The following MOV10 variants were observed in gnomAD, a reference collection of about 807,000 sequenced individuals.
The protein encoded by MOV10 is Mov10 RNA helicase.
In MOV10, 39 loss-of-function variants were observed where a neutral mutation model predicts 108.4. That is an observed-to-expected ratio of 0.36 (90% CI 0.28 to 0.47). The LOEUF (loss-of-function observed/expected upper bound fraction) is 0.47. Ranked by LOEUF, MOV10 falls within the 20% of genes least tolerant of loss-of-function variation. The pLI is 1.00. For missense variants in MOV10, 952 were observed against 1,297.6 expected, an observed-to-expected ratio of 0.73 and a Z score of 4.09; for synonymous variants, 490 against 523.1, an observed-to-expected ratio of 0.94 and a Z score of 0.86.
chr1:112,684,756 T>A (rs927067207), intron 2 of MOV10, among the ~76,000 whole-genome samples: 1 of 152,204 alleles, frequency 6.6e-6, no homozygotes, highest in Non-Finnish European at 1.5e-5. Flanking sequence ...TAAAATAATA[T>A]CTCATTTATA....
chr1:112,695,949 C>G (rs927857668), intron 11 of MOV10, among the ~76,000 whole-genome samples, 199 bp from the exon 12 acceptor site: 8 of 151,994 alleles, frequency 5.3e-5, no homozygotes, highest in African/African-American at 1.9e-4. Context: ...GGCTGAGGCA[C>G]GAGAATTGCT....
chr1:112,675,178 C>A lies in MOV10; in HGVS notation c.137+129C>A. Reference sequence around the variant, plus strand: ...CTCCCCCAGCGGCTCAGGCCAGTCCCGGGGCGGCGCAGACCTCCCCTCCCG... The same window carrying A: ...CTCCCCCAGCGGCTCAGGCCAGTCCAGGGGCGGCGCAGACCTCCCCTCCCG... On this transcript the variant is annotated intron_variant, in intron 2 of 20. Transcript: ENST00000369645. This position sits in a 1 kb window ranked among gnomAD's most constrained non-coding sequence, Gnocchi z 4.7. The A allele has an allele frequency of 9.2e-7, 1 of 1,089,132 alleles. No homozygotes were observed. The highest frequency in any genetic ancestry group is 1.2e-6 in the Non-Finnish European group (1 of 800,558). The allele number at this position is 1,089,132 out of a possible 1,614,324, so 67.5% of individuals were successfully genotyped here. A position where few individuals can be genotyped will look rare whatever the true frequency, so the allele number is the denominator to read the frequency against.
chr1:112,689,934 G>C lies in MOV10; in HGVS notation c.672G>C (p.Ser224=), dbSNP rs138014327. The change falls in exon 5 of 21, where the codon TCG becomes TCC. Residue 224 remains serine, a synonymous_variant. Transcript: ENST00000369645. Reference sequence around the variant, plus strand: ...GGGAGCTGCTGGGACCTGGGGAGTCGGGTTCAGAAGGAGCCGGCACATTCT... The same window carrying C: ...GGGAGCTGCTGGGACCTGGGGAGTCCGGTTCAGAAGGAGCCGGCACATTCT... The part of the protein sequence containing the change: ...VLWELLGPGE[S]GSEGAGTFYI... 1.9e-6 allele frequency: 3 copies of C among 1,614,154 alleles called. No homozygotes were observed. The highest frequency in any genetic ancestry group is 2.2e-5 in the East Asian group (1 of 44,886).
chr1:112,695,646 G>C, intron 11 of MOV10, 72 bp downstream of exon 11: 1 of 1,497,092 alleles, frequency 6.7e-7, no homozygotes, highest in South Asian at 1.3e-5. Context: ...ACTGAGGCGA[G>C]GAAGCTAGGA....
intron 14 of MOV10, among the ~76,000 whole-genome samples, chr1:112,697,246 G>A (rs1473695132): frequency 6.6e-6 from 1 of 152,044 alleles, no homozygotes; most frequent in Non-Finnish European, 1.5e-5. Context: ...TCCCACCCCC[G>A]ATCACTTGAG....
In MOV10 at chr1:112,674,739, G is replaced by C. The variant is rs887469315; in HGVS notation, c.-66+10G>C. ...CGAAGGGAAAGCTCAGGTAAGAAAA[G>C]AACGGAGGAGGGAAGCCTGGTGGGG... On this transcript the variant is annotated intron_variant, in intron 1 of 20. Coordinates refer to ENST00000369645, the MANE Select transcript of MOV10 (RefSeq NM_001321324.2). 4.0e-5 allele frequency: 23 copies of C among 574,394 alleles called. 1 individual carries two copies. Among genetic ancestry groups the C allele is most frequent in the Middle Eastern group, 9.2e-4 (2 of 2,180 alleles). 35.6% of individuals were successfully genotyped at this position (574,394 alleles called of 1,614,324 possible).
intron 19 of MOV10, 37 bp downstream of exon 19, chr1:112,700,019 A>C: frequency 6.2e-7 from 1 of 1,611,998 alleles, no homozygotes; most frequent in Non-Finnish European, 8.5e-7. Flanking sequence ...CTTAGTGGCC[A>C]CAGCCCCTGC....
In MOV10 at chr1:112,694,938, C is replaced by T; in HGVS notation, c.1620+42C>T. 1 of 1,581,246 alleles carries T rather than the reference C, an allele frequency of 6.3e-7. No homozygotes were observed. ...AACCTGGGGCCTGCACTCTGATTCCCCCAGCACCAAGCAGTTGTCCCCAGA... is the reference window on the plus strand; with the variant it reads ...AACCTGGGGCCTGCACTCTGATTCCTCCAGCACCAAGCAGTTGTCCCCAGA... On this transcript the variant is annotated intron_variant, in intron 10 of 20. Coordinates refer to ENST00000369645, the MANE Select transcript of MOV10 (RefSeq NM_001321324.2). The surrounding 1 kb of genome is among the most constrained non-coding windows in gnomAD (Gnocchi z 4.1).
chr1:112,693,785 G>A (rs560005817), intron 7 of MOV10: 2 of 408,798 alleles, frequency 4.9e-6, no homozygotes, highest in Non-Finnish European at 9.1e-6. Context: ...TGGAGGCTCC[G>A]GGTTCCTGGG....
At chr1:112,680,634 C>G (rs1445785979) in intron 2 of MOV10, among the ~76,000 whole-genome samples, 1 of 113,780 alleles carries the variant, frequency 8.8e-6, no homozygotes, top group East Asian at 3.1e-4. Flanking sequence ...CCAGCCTGGG[C>G]GACAGAGTGA....
Position 112,698,803 on chromosome 1 carries a change from C to T in MOV10, c.2583+14C>T, listed in dbSNP as rs1557773021. On this transcript the variant is annotated intron_variant, in intron 17 of 20. Transcript: ENST00000369645. The stretch of plus-strand genomic sequence containing the variant: ...AAGGACTTGAAGGTGACATGCTGTT[C>T]CACAGTCACTCCCTGCCTTCCGTGT... 1 of 1,609,614 alleles carries T rather than the reference C, an allele frequency of 6.2e-7. No individual in the cohort carries two copies. Among genetic ancestry groups the T allele is most frequent in the Non-Finnish European group, 8.5e-7 (1 of 1,175,938 alleles).
At chr1:112,681,005 TTA>T (rs1296476185) in intron 2 of MOV10, among the ~76,000 whole-genome samples, 1 of 151,760 alleles carries the variant, frequency 6.6e-6, no homozygotes, top group Non-Finnish European at 1.5e-5. Context: ...CCCGGTTCAT[TTA>T]TCTCTTTTTG....
chr1:112,681,512 A>G (rs1374633753), intron 2 of MOV10, among the ~76,000 whole-genome samples: 1 of 152,042 alleles, frequency 6.6e-6, no homozygotes, highest in Non-Finnish European at 1.5e-5. Flanking sequence ...TGTTATTCAC[A>G]TCATCCACGT....
chr1:112,680,604 C>T (rs1378716459), intron 2 of MOV10, among the ~76,000 whole-genome samples: 1 of 125,568 alleles, frequency 8.0e-6, no homozygotes. Context: ...TGCAGTGAGC[C>T]GAGATTGTAC....
Position 112,698,354 on chromosome 1 carries a change from T to A in MOV10, c.2384T>A (p.Phe795Tyr). The part of the protein sequence containing the change: ...DEREGNSPSF[F>Y]NPEEAATVTS... ...CGTGAAGGCAACAGCCCATCCTTCT[T>A]CAACCCTGAAGAGGCTGCCACAGTG... The change falls in exon 16 of 21, where the codon TTC becomes TAC. Residue 795 changes from phenylalanine to tyrosine, a missense_variant. Coordinates refer to ENST00000369645, the MANE Select transcript of MOV10 (RefSeq NM_001321324.2). The A allele has an allele frequency of 6.2e-7, 1 of 1,614,182 alleles. No homozygotes were observed. The highest frequency in any genetic ancestry group is 8.5e-7 in the Non-Finnish European group (1 of 1,180,020).
intron 14 of MOV10, 90 bp from the exon 15 acceptor site, chr1:112,697,904 G>A: frequency 9.6e-7 from 1 of 1,041,678 alleles, no homozygotes. Context: ...GCAGGCTATT[G>A]TGTGTGGGCC....
intron 2 of MOV10, chr1:112,686,936 CCTT>C: frequency 2.2e-6 from 1 of 456,506 alleles, no homozygotes; most frequent in Non-Finnish European, 4.4e-6. Context: ...ATTGCAAGGG[CCTT>C]CTTCTAACTG....
chr1:112,695,564 A>G lies in MOV10; in HGVS notation c.1769A>G (p.Glu590Gly), dbSNP rs1673993016. The change falls in exon 11 of 21, where the codon GAG (glutamate) becomes GGG (glycine). Residue 590 changes from glutamate to glycine, a missense_variant. Coordinates refer to ENST00000369645, the MANE Select transcript of MOV10 (RefSeq NM_001321324.2). ...AGCAGGGACATCCGCATGGTACCTGAGGACATCAAGGTACTAGGGAAGTGC... is the reference window on the plus strand; with the variant it reads ...AGCAGGGACATCCGCATGGTACCTGGGGACATCAAGGTACTAGGGAAGTGC... ...APSRDIRMVPEDIKPCCNWDA... is the reference protein window; with the variant it reads ...APSRDIRMVPGDIKPCCNWDA... The G allele has an allele frequency of 1.2e-6, 2 of 1,613,934 alleles. No individual in the cohort carries two copies. The highest frequency in any genetic ancestry group is 1.7e-6 in the Non-Finnish European group (2 of 1,179,938).
At chr1:112,680,067 A>T (rs1319454792) in intron 2 of MOV10, among the ~76,000 whole-genome samples, 2 of 152,146 alleles carry the variant, frequency 1.3e-5, no homozygotes, top group Non-Finnish European at 2.9e-5. Flanking sequence ...TCACTAGAGA[A>T]AAAAACACAC....
Sources: gnomAD v4.1 joint callset for allele counts (sites outside exome capture counted in the v4.1 genomes callset) on GRCh38, gnomAD v4.1.1 for gene constraint, Gnocchi (gnomAD v3.1) non-coding constraint, MANE v1.5 for transcripts, NCBI Gene and HGNC (gene_info 2026-07-23, HGNC 2026-07-21) for gene names.